The following ANKRD30A variants were observed in gnomAD, a reference collection of about 807,000 sequenced individuals.
ANKRD30A encodes ankyrin repeat domain-containing protein 30A.
Under a neutral mutation model 166.3 loss-of-function variants are expected in ANKRD30A, and 170 were observed. The observed-to-expected ratio is 1.02, with a 90% CI of 0.90 to 1.16. The LOEUF (loss-of-function observed/expected upper bound fraction) is 1.16, where lower values mean the gene tolerates loss of function less well. Among genes scored for constraint, ANKRD30A ranks in the 50% most tolerant of loss-of-function variants. The pLI, the probability that ANKRD30A is intolerant of heterozygous loss-of-function variation, is 0.00. For synonymous variants in ANKRD30A, 564 were observed against 508.9 expected (o/e 1.11, Z -1.46); for missense variants, 1,630 against 1,518.0 (o/e 1.07, Z -1.23).
the ANKRD30A span, among the ~76,000 whole-genome samples, chr10:37,244,639 C>T: frequency 6.6e-6 from 1 of 152,240 alleles, no homozygotes. Flanking sequence ...GCTGCTTTCC[C>T]TCTGTCTTCA....
intron 34 of ANKRD30A, among the ~76,000 whole-genome samples, chr10:37,222,184 C>T (rs1006606992): frequency 6.6e-6 from 1 of 151,180 alleles, no homozygotes; most frequent in African/African-American, 2.4e-5. Flanking sequence ...TAACCATCAC[C>T]ACAGTCATTT....
In ANKRD30A at chr10:37,193,110, T is replaced by C; in HGVS notation, c.2541+18T>C. ...TTCTGAAGGTAATAACTTTTATATT[T>C]TTATCTTGAGTATTAACTACATATT... On this transcript the variant is annotated intron_variant, in intron 26 of 35. Coordinates refer to ENST00000361713, the MANE Select transcript of ANKRD30A (RefSeq NM_052997.3). The C allele has an allele frequency of 6.2e-7, 1 of 1,605,562 alleles. No individual in the cohort carries two copies. The highest frequency in any genetic ancestry group is 8.5e-7 in the Non-Finnish European group (1 of 1,173,148).
chr10:37,191,275 A>G (rs939123927), intron 25 of ANKRD30A, among the ~76,000 whole-genome samples: 6 of 151,744 alleles, frequency 4.0e-5, no homozygotes, highest in African/African-American at 1.5e-4. Flanking sequence ...GGGTATGAAA[A>G]TCAAGGAATA....
intron 6 of ANKRD30A, among the ~76,000 whole-genome samples, chr10:37,139,657 T>C (rs1416736545): frequency 6.6e-6 from 1 of 152,236 alleles, no homozygotes; most frequent in Non-Finnish European, 1.5e-5. Context: ...TATAACTTCA[T>C]ATTAAAATGT....
chr10:37,257,058 GGTTCT>G, the ANKRD30A span, among the ~76,000 whole-genome samples: 1 of 151,802 alleles, frequency 6.6e-6, no homozygotes, highest in Non-Finnish European at 1.5e-5. Context: ...ATTAAATACT[GGTTCT>G]ATTTCAGAAC....
intron 6 of ANKRD30A, among the ~76,000 whole-genome samples, chr10:37,140,931 C>A (rs542813268): frequency 1.3e-5 from 2 of 152,120 alleles, no homozygotes; most frequent in African/African-American, 4.8e-5. Context: ...GTAGAGCTGT[C>A]CTTATTGAAT....
chr10:37,196,111 TTG>T (rs1491331359), intron 27 of ANKRD30A, among the ~76,000 whole-genome samples: 1 of 149,430 alleles, frequency 6.7e-6, no homozygotes, highest in East Asian at 2.0e-4. Flanking sequence ...TTTTTTTTTT[TTG>T]TAGTAGAAGC....
Position 37,150,721 on chromosome 10 carries a change from A to G in ANKRD30A, c.1645+872A>G, listed in dbSNP as rs370499561. Among the ~76,000 whole-genome samples, 19 of 152,266 alleles carry G rather than the reference A, an allele frequency of 1.2e-4. No individual in the cohort carries two copies. In the East Asian group the frequency reaches 3.5e-3, roughly 28 times the overall value. On this transcript the variant is annotated intron_variant, in intron 11 of 35. Coordinates refer to ENST00000361713, the MANE Select transcript of ANKRD30A (RefSeq NM_052997.3). ...TAGGTTGTTTATAAAATTCCATTGT[A>G]TGACAGTACCATAGTTAATTGCACA...
intron 1 of ANKRD30A, among the ~76,000 whole-genome samples, chr10:37,129,205 G>A (rs1836233732): frequency 6.6e-6 from 1 of 152,244 alleles, no homozygotes; most frequent in African/African-American, 2.4e-5. Flanking sequence ...CTTCTTGGAA[G>A]GCACTGTGAA....
intron 3 of ANKRD30A, among the ~76,000 whole-genome samples, 182 bp downstream of exon 3, chr10:37,130,560 A>G (rs534832295): frequency 6.6e-6 from 1 of 152,348 alleles, no homozygotes; most frequent in East Asian, 1.9e-4. Context: ...ATTAGAGAGT[A>G]TGGATTTTCT....
the ANKRD30A span, among the ~76,000 whole-genome samples, chr10:37,244,927 T>C: frequency 6.6e-6 from 1 of 152,194 alleles, no homozygotes; most frequent in South Asian, 2.1e-4. Flanking sequence ...TAGCTTTCTG[T>C]TTTATCTCCA....
In ANKRD30A at chr10:37,219,454, G is replaced by T. The variant is rs1160982123; in HGVS notation, c.3742G>T (p.Val1248Leu). Residue 1248 changes from valine (V) to leucine (L), a missense_variant, in exon 34 of 36, where the codon GTG becomes TTG. Around this residue, in one of 4 missense-constraint regions of ANKRD30A, gnomAD observed 712 missense variants for 629.3 expected, o/e 1.13. Coordinates refer to ENST00000361713, the MANE Select transcript of ANKRD30A (RefSeq NM_052997.3). ...GAGTAGTACGATATATAACAATGAG[G>T]TGCTCCATCAACCACTTTCTGAAGC... ...DVSSTIYNNEVLHQPLSEAQR... is the reference protein window; with the variant it reads ...DVSSTIYNNELLHQPLSEAQR... The T allele has an allele frequency of 6.2e-7, 1 of 1,610,110 alleles. No individual in the cohort carries two copies. The highest frequency in any genetic ancestry group is 2.2e-5 in the East Asian group (1 of 44,728).
chr10:37,142,313 G>T, intron 7 of ANKRD30A, 23 bp downstream of exon 7: 1 of 1,559,950 alleles, frequency 6.4e-7, no homozygotes, highest in Middle Eastern at 1.7e-4. Flanking sequence ...AGCGAACTTT[G>T]TAAGGTTTAT....
At chr10:37,202,022 G>C (rs1841657320) in intron 31 of ANKRD30A, among the ~76,000 whole-genome samples, 1 of 152,038 alleles carries the variant, frequency 6.6e-6, no homozygotes, top group Non-Finnish European at 1.5e-5. Context: ...TTTTTAAAAA[G>C]TTCTCAGGTG....
rs534511292 is a variant in ANKRD30A, at chr10:37,165,994, T to C, written c.2065-611T>C. ...TTTCATTTAGATGTGACATAACTTT[T>C]TTCTTACTGCATTTACATTCTATTC... On this transcript the variant is annotated intron_variant, in intron 18 of 35. Coordinates refer to ENST00000361713, the MANE Select transcript of ANKRD30A (RefSeq NM_052997.3). 2.6e-5 allele frequency among the ~76,000 whole-genome samples: 4 copies of C among 152,268 alleles called. No homozygotes were observed. In the East Asian group the frequency reaches 7.7e-4, roughly 29 times the overall value.
At chr10:37,220,022 TATATATA>T (rs1564589616) in intron 34 of ANKRD30A, 125 bp downstream of exon 34, 2 of 144,216 alleles carry the variant, frequency 1.4e-5, no homozygotes, top group South Asian at 2.4e-4. Context: ...TATATATATA[TATATATA>T]ATATATGTAT....
At chr10:37,198,172 A>G (rs923559519) in intron 29 of ANKRD30A, among the ~76,000 whole-genome samples, 4 of 152,200 alleles carry the variant, frequency 2.6e-5, no homozygotes, top group African/African-American at 7.2e-5. Flanking sequence ...ACTGTTTTTT[A>G]AAACTATTCT....
chr10:37,255,257 T>G, the ANKRD30A span, among the ~76,000 whole-genome samples: 1 of 152,060 alleles, frequency 6.6e-6, no homozygotes, highest in Non-Finnish European at 1.5e-5. Flanking sequence ...GATAAGACAC[T>G]GGAGACCCAG....
chr10:37,199,231 G>T (rs920728401), intron 29 of ANKRD30A, among the ~76,000 whole-genome samples: 6 of 152,040 alleles, frequency 3.9e-5, no homozygotes, highest in Admixed American at 3.9e-4. Flanking sequence ...AATGTAAAAG[G>T]GTTGGACATA....
Sources: gnomAD v4.1 joint callset for allele counts (sites outside exome capture counted in the v4.1 genomes callset) on GRCh38, gnomAD v4.1.1 for gene constraint, gnomAD v4.1.1 regional missense constraint, MANE v1.5 for transcripts, NCBI Gene and HGNC (gene_info 2026-07-23, HGNC 2026-07-21) for gene names.